MAPK12: variants seen among roughly 807,000 people sequenced by gnomAD.
The protein encoded by MAPK12 is MAP kinase 12.
A neutral mutation model predicts 49.1 loss-of-function variants in MAPK12; 49 were observed. The ratio of observed to expected loss-of-function variants is 1.00; its 90% CI spans 0.79 to 1.27. MAPK12 has a LOEUF of 1.27. MAPK12 is among the 50% of genes most tolerant of loss of function. The pLI is 0.00. For synonymous variants in MAPK12, 251 were observed against 209.7 expected, an observed-to-expected ratio of 1.20 and a Z score of -1.70; for missense variants, 554 against 502.4, an observed-to-expected ratio of 1.10 and a Z score of -0.98.
At chr22:50,255,740 C>T (rs757940462) in intron 8 of MAPK12, 46 bp from the exon 9 acceptor site, 3 of 1,609,554 alleles carry the variant, frequency 1.9e-6, no homozygotes, top group African/African-American at 2.7e-5. Flanking sequence ...AGATCAGGGC[C>T]CCCACTGCCC....
chr22:50,256,909 T>C (rs375882170), intron 5 of MAPK12, 26 bp downstream of exon 5: 5 of 1,602,536 alleles, frequency 3.1e-6, no homozygotes, highest in Non-Finnish European at 4.3e-6. Flanking sequence ...GGAGGGCTGA[T>C]GAGCGGCTTC....
chr22:50,259,771 C>A (rs1184224042), intron 2 of MAPK12, among the ~76,000 whole-genome samples: 2 of 151,938 alleles, frequency 1.3e-5, no homozygotes, highest in African/African-American at 4.8e-5. Flanking sequence ...GTAATCCCAG[C>A]TACTGAGGAG....
At chr22:50,260,255 TTTGCTGGTGGACGC>T (rs1382340208) in intron 2 of MAPK12, among the ~76,000 whole-genome samples, 1 of 71,684 alleles carries the variant, frequency 1.4e-5, no homozygotes, top group African/African-American at 5.3e-5. Flanking sequence ...GACGGGGCAC[TTTGCTGGTGGACGC>T]AGGGACTCGT....
chr22:50,256,999 C>T (rs2147258247), intron 4 of MAPK12, 35 bp from the exon 5 acceptor site: 1 of 1,604,998 alleles, frequency 6.2e-7, no homozygotes, highest in East Asian at 2.2e-5. Context: ...GGCTTCAGCG[C>T]ACCCTCTCAG....
chr22:50,257,120 T>G lies in MAPK12; in HGVS notation c.388A>C (p.Ile130Leu). Residue 130 changes from isoleucine to leucine, a missense_variant, in exon 4 of 12, where the codon ATC becomes CTC. Physicochemically the swap from Ile to Leu is conservative, Grantham distance 5. Coordinates refer to ENST00000215659, the MANE Select transcript of MAPK12 (RefSeq NM_002969.6). ...AGCATCTGGTACACGAGGAACTGGA[T>G]CCGGTCCTCGCCTAGCTTCTCATGT... ...MKHEKLGEDR[I>L]QFLVYQMLKG... The G allele has an allele frequency of 6.2e-7, 1 of 1,612,824 alleles. No individual in the cohort carries two copies.
At chr22:50,253,502 G>GTGGGGC in intron 11 of MAPK12, 22 bp from the exon 12 acceptor site, 1 of 171,686 alleles carries the variant, frequency 5.8e-6, no homozygotes, top group Non-Finnish European at 1.1e-5. Context: ...GGGGGGGCGG[G>GTGGGGC]CACAACAGAG....
At chr22:50,258,219 C>T (rs2235355) in intron 3 of MAPK12, 24 bp downstream of exon 3, 254,774 of 1,611,230 alleles carry the variant, frequency 0.16, 22,218 homozygotes, top group Admixed American at 0.31. Context: ...TCGTGCCCAG[C>T]GGCCAGCCCA....
At chr22:50,255,578 G>GGCCCCCCCCCCCCCCCCCCC in intron 9 of MAPK12, 37 bp downstream of exon 9, 7 of 1,581,916 alleles carry the variant, frequency 4.4e-6, no homozygotes, top group Non-Finnish European at 6.1e-6. Flanking sequence ...GCCCAGGTCC[G>GGCCCCCCCCCCCCCCCCCCC]CCCCCACCCC....
At position 50,258,239 on chromosome 22, in the gene MAPK12, T is replaced by A; in HGVS notation, c.314+4A>T. On this transcript the variant is annotated splice_donor_region_variant and intron_variant, in intron 3 of 11. Transcript: ENST00000215659. The stretch of plus-strand genomic sequence containing the variant: ...CCCAGCGGCCAGCCCAGGTCGGCAC[T>A]CACAAGTCCGTGAAGTCATCCAGGG... The A allele has an allele frequency of 6.2e-7, 1 of 1,612,974 alleles. No individual in the cohort carries two copies. Among genetic ancestry groups the A allele is most frequent in the East Asian group, 2.2e-5 (1 of 44,878 alleles).
chr22:50,253,264 G>T lies in MAPK12; in HGVS notation c.*137C>A. 1.4e-6 allele frequency: 1 copy of T among 724,854 alleles called. No individual in the cohort carries two copies. Among genetic ancestry groups the T allele is most frequent in the Non-Finnish European group, 2.5e-6 (1 of 397,876 alleles). The allele number at this position is 724,854 out of a possible 1,614,324, so 44.9% of individuals were successfully genotyped here. A position where few individuals can be genotyped will look rare whatever the true frequency, so the allele number is the denominator to read the frequency against. On this transcript the variant is annotated 3_prime_UTR_variant, in exon 12 of 12. Transcript: ENST00000215659. ...CAGAGGCATGGCCGTGGGGAGGAGGGTCCATGGAACCCGGGCGTCTGCTCT... is the reference window on the plus strand; with the variant it reads ...CAGAGGCATGGCCGTGGGGAGGAGGTTCCATGGAACCCGGGCGTCTGCTCT...
In MAPK12 at chr22:50,258,075, GT is replaced by G; in HGVS notation, c.314+167del. On this transcript the variant is annotated intron_variant, in intron 3 of 11. Coordinates refer to ENST00000215659, the MANE Select transcript of MAPK12 (RefSeq NM_002969.6). ...CAGTGCCCGTGGGTCCCAGGACCAT[GT>G]GGGGGAGGGCGTGGGGTGGACAGTG... The G allele has an allele frequency of 5.5e-6, 4 of 730,634 alleles. No individual in the cohort carries two copies. The South Asian group carries it at 5.9e-5, about 11-fold the overall frequency. The allele number at this position is 730,634 out of a possible 1,614,324, so 45.3% of individuals were successfully genotyped here.
rs201872615 is a variant in MAPK12, at chr22:50,255,374, C to T, written c.851-4G>A. 2.5e-5 allele frequency: 41 copies of T among 1,612,796 alleles called. No individual in the cohort carries two copies. Among genetic ancestry groups the T allele is most frequent in the African/African-American group, 5.3e-5 (4 of 74,930 alleles). ...ATCTTCTCCAGGAGGTTCACAGCTG[C>T]GGGGGAAGGTGCATCAGGCCAGACC... On this transcript the variant is annotated splice_polypyrimidine_tract_variant and splice_region_variant and intron_variant, in intron 10 of 11. Transcript: ENST00000215659.
rs2065147579 is a variant in MAPK12 at position 50,256,096 on chromosome 22, T to C, written c.608A>G (p.Tyr203Cys). The C allele has an allele frequency of 1.2e-6, 2 of 1,612,408 alleles. No homozygotes were observed. The highest frequency in any genetic ancestry group is 1.1e-5 in the South Asian group (1 of 91,028). ...GGGCAGCTTCTCACCCGTCTGCGTG[T>C]AGCGCATCCAATTCAAGATGACCTC... ...APEVILNWMR[Y>C]TQTVDIWSVG... Residue 203 changes from tyrosine to cysteine, a missense_variant, in exon 7 of 12, where the codon TAC becomes TGC. Coordinates refer to ENST00000215659, the MANE Select transcript of MAPK12 (RefSeq NM_002969.6).
At position 50,255,325 on chromosome 22, in the gene MAPK12, C is replaced by A. The variant is rs200947001; in HGVS notation, c.896G>T (p.Arg299Leu). The A allele has an allele frequency of 1.9e-6, 3 of 1,613,444 alleles. No individual in the cohort carries two copies. Among genetic ancestry groups the A allele is most frequent in the Non-Finnish European group, 2.5e-6 (3 of 1,180,026 alleles). The change falls in exon 11 of 12, where the codon CGG (arginine) becomes CTG (leucine). Residue 299 changes from arginine (R) to leucine (L), a missense_variant. Arg to Leu is a moderately radical substitution (Grantham distance 102). Coordinates refer to ENST00000215659, the MANE Select transcript of MAPK12 (RefSeq NM_002969.6). ...EKMLVLDAEQ[R>L]VTAGEALAHP... ...GGCCAGCGCCTCGCCTGCCGTCACC[C>A]GCTGCTCCGCGTCCAGCACCAGCAT...
chr22:50,258,355 C>G, intron 2 of MAPK12, 54 bp from the exon 3 acceptor site: 2 of 1,489,302 alleles, frequency 1.3e-6, no homozygotes, highest in Non-Finnish European at 1.9e-6. Flanking sequence ...GCTGGGGCAC[C>G]CCCCAAGAGT....
At position 50,261,415 on chromosome 22, in the gene MAPK12, G is replaced by A. The variant is rs772106264; in HGVS notation, c.95C>T (p.Pro32Leu). Residue 32 changes from proline (P) to leucine (L), a missense_variant, in exon 1 of 12, where the codon CCC becomes CTC. Coordinates refer to ENST00000215659, the MANE Select transcript of MAPK12 (RefSeq NM_002969.6). ...EVRAVYRDLQ[P>L]VGSGAYGAVC... is the part of the protein sequence containing the mutation. The stretch of plus-strand genomic sequence containing the variant: ...CGCGCCGTAGGCGCCCGAGCCCACG[G>A]GCTGCAGGTCCCGGTACACGGCGCG... 228 of 1,242,600 alleles carry A rather than the reference G, an allele frequency of 1.8e-4. No homozygotes were observed. The highest frequency in any genetic ancestry group is 3.6e-4 in the Admixed American group (13 of 36,186). The allele number at this position is 1,242,600 out of a possible 1,614,324, so 77.0% of individuals were successfully genotyped here. A position where few individuals can be genotyped will look rare whatever the true frequency, so the allele number is the denominator to read the frequency against.
In MAPK12 at chr22:50,253,107, C is replaced by G. The variant is rs1424722481; in HGVS notation, c.*294G>C. 8.7e-6 allele frequency: 4 copies of G among 458,550 alleles called. No individual in the cohort carries two copies. Among genetic ancestry groups the G allele is most frequent in the Middle Eastern group, 1.2e-3 (2 of 1,650 alleles). 28.4% of individuals were successfully genotyped at this position (458,550 alleles called of 1,614,324 possible). On this transcript the variant is annotated 3_prime_UTR_variant, in exon 12 of 12. Transcript: ENST00000215659. ...CAGAGGCCAAGGCCTGATCTGGAGCCCCACCAGCTCTGAGGTTTCTGAGAG... is the reference window on the plus strand; with the variant it reads ...CAGAGGCCAAGGCCTGATCTGGAGCGCCACCAGCTCTGAGGTTTCTGAGAG...
intron 4 of MAPK12, 53 bp from the exon 5 acceptor site, chr22:50,257,017 G>A: frequency 6.2e-7 from 1 of 1,603,650 alleles, no homozygotes; most frequent in Non-Finnish European, 8.5e-7. Context: ...CAGAGCCACA[G>A]GGCCCTCCTC....
chr22:50,253,859 G>A (rs994229122), intron 11 of MAPK12: 7 of 241,494 alleles, frequency 2.9e-5, no homozygotes, highest in Admixed American at 5.1e-5. Context: ...TGCACACAGC[G>A]AAGGGTGGAG....
Sources: gnomAD v4.1 joint callset for allele counts (sites outside exome capture counted in the v4.1 genomes callset) on GRCh38, gnomAD v4.1.1 for gene constraint, MANE v1.5 for transcripts, NCBI Gene and HGNC (gene_info 2026-07-23, HGNC 2026-07-21) for gene names.